ADORA2B: variants seen among roughly 807,000 people sequenced by gnomAD.
ADORA2B encodes the protein adenosine A2b receptor, also known as adenosine receptor A2b.
In ADORA2B, 18 loss-of-function variants were observed where a neutral mutation model predicts 20.8. That is an observed-to-expected ratio of 0.87 (90% CI 0.60 to 1.29). The LOEUF (loss-of-function observed/expected upper bound fraction) is 1.29, where lower values mean the gene tolerates loss of function less well. Among genes scored for constraint, ADORA2B ranks in the 50% most tolerant of loss-of-function variants. The probability of loss-of-function intolerance (pLI) is 0.00; values close to 1 mark genes in which losing one functional copy is unlikely to be tolerated. For synonymous variants in ADORA2B, 179 were observed against 178.3 expected (o/e 1.00, Z -0.03); for missense variants, 441 against 422.7 (o/e 1.04, Z -0.38).
chr17:15,944,361 C>G (rs181662869), upstream of ADORA2B, among the ~76,000 whole-genome samples: 1 of 151,906 alleles, frequency 6.6e-6, no homozygotes, highest in African/African-American at 2.4e-5. The surrounding 1 kb of genome is among the most constrained non-coding windows in gnomAD (Gnocchi z 4.8). Flanking sequence ...GTGAGGGCCA[C>G]GTGGGAGGCC....
chr17:15,974,568 G>A, intron 1 of ADORA2B, 111 bp from the exon 2 acceptor site: 4 of 947,916 alleles, frequency 4.2e-6, no homozygotes, highest in Non-Finnish European at 6.4e-6. Context: ...GCCCTGGAAG[G>A]TGAACTTTAG....
chr17:15,906,729 G>A, the ADORA2B span, among the ~76,000 whole-genome samples: 1 of 152,112 alleles, frequency 6.6e-6, no homozygotes, highest in African/African-American at 2.4e-5. Context: ...TATAGGTCTG[G>A]TGGTTTTTTG....
chr17:15,918,792 A>T, the ADORA2B span, among the ~76,000 whole-genome samples: 1 of 152,166 alleles, frequency 6.6e-6, no homozygotes, highest in African/African-American at 2.4e-5. Flanking sequence ...TTCTTAGCGT[A>T]AGTACACCTC....
At chr17:15,878,184 T>TACACACACACACACAC in the ADORA2B span, among the ~76,000 whole-genome samples, 2 of 143,912 alleles carry the variant, frequency 1.4e-5, no homozygotes, top group East Asian at 4.2e-4. Flanking sequence ...TGTGTGTGTA[T>TACACACACACACACAC]ACACACACAC....
the ADORA2B span, among the ~76,000 whole-genome samples, chr17:15,933,080 C>T: frequency 2.6e-5 from 4 of 151,816 alleles, no homozygotes; most frequent in East Asian, 1.9e-4. Context: ...CTCAGCATCC[C>T]GAGTAGCTGG....
the ADORA2B span, among the ~76,000 whole-genome samples, chr17:15,871,809 C>T: frequency 2.0e-5 from 3 of 152,158 alleles, no homozygotes; most frequent in Non-Finnish European, 2.9e-5. Flanking sequence ...TAACGCCCTG[C>T]GCCTTTTCCC....
chr17:15,904,973 A>G, the ADORA2B span, among the ~76,000 whole-genome samples: 1 of 152,184 alleles, frequency 6.6e-6, no homozygotes, highest in African/African-American at 2.4e-5. Flanking sequence ...AAAAATCTTG[A>G]AATCTAGTCT....
the ADORA2B span, among the ~76,000 whole-genome samples, chr17:15,874,695 G>C: frequency 1.3e-5 from 2 of 151,782 alleles, no homozygotes; most frequent in African/African-American, 4.8e-5. Context: ...CCATCTCTGG[G>C]GATAAAAAAT....
At chr17:15,921,939 T>G in the ADORA2B span, among the ~76,000 whole-genome samples, 1 of 152,190 alleles carries the variant, frequency 6.6e-6, no homozygotes, top group Non-Finnish European at 1.5e-5. Context: ...TTATATTTCA[T>G]TAGTCCCATG....
At chr17:15,969,011 G>A (rs1172996941) in intron 1 of ADORA2B, among the ~76,000 whole-genome samples, 1 of 152,124 alleles carries the variant, frequency 6.6e-6, no homozygotes, top group African/African-American at 2.4e-5. Flanking sequence ...AGGAGATGCT[G>A]GCCCATCTTC....
chr17:15,932,505 AAAAG>A, the ADORA2B span, among the ~76,000 whole-genome samples: 5 of 151,966 alleles, frequency 3.3e-5, no homozygotes, highest in East Asian at 1.9e-4. Context: ...AAAAAAAAAA[AAAAG>A]AAAGAAATTG....
chr17:15,904,492 A>G, the ADORA2B span, among the ~76,000 whole-genome samples: 1 of 144,484 alleles, frequency 6.9e-6, no homozygotes, highest in East Asian at 2.0e-4. Context: ...GGTTCATGCC[A>G]TTCTCCTGCC....
At chr17:15,962,211 G>A (rs1970049248) in intron 1 of ADORA2B, among the ~76,000 whole-genome samples, 2 of 152,110 alleles carry the variant, frequency 1.3e-5, no homozygotes, top group Non-Finnish European at 2.9e-5. Context: ...GCTGAGGCAG[G>A]AGAATTGCTT....
intron 1 of ADORA2B, among the ~76,000 whole-genome samples, chr17:15,954,825 G>C (rs1171561736): frequency 6.6e-6 from 1 of 152,220 alleles, no homozygotes; most frequent in Non-Finnish European, 1.5e-5. Context: ...TGGTTCGGAA[G>C]TGTTTTCCCT....
the ADORA2B span, among the ~76,000 whole-genome samples, chr17:15,918,932 C>G: frequency 6.6e-6 from 1 of 152,146 alleles, no homozygotes; most frequent in African/African-American, 2.4e-5. Flanking sequence ...GAGGCCCAGG[C>G]AGGAGGAGCA....
intron 1 of ADORA2B, among the ~76,000 whole-genome samples, chr17:15,958,626 C>T (rs1021406704): frequency 1.3e-5 from 2 of 152,184 alleles, no homozygotes; most frequent in Admixed American, 1.3e-4. Flanking sequence ...TTTCTCTACC[C>T]TGACTTCTCA....
the ADORA2B span, among the ~76,000 whole-genome samples, chr17:15,872,956 A>G: frequency 6.6e-6 from 1 of 152,150 alleles, no homozygotes; most frequent in Non-Finnish European, 1.5e-5. Flanking sequence ...GGATTGGTGA[A>G]AGTGGGCATC....
chr17:15,893,207 T>A, the ADORA2B span, among the ~76,000 whole-genome samples: 1 of 152,242 alleles, frequency 6.6e-6, no homozygotes. Flanking sequence ...GTTTTGGAGA[T>A]GCTTGGAATG....
the ADORA2B span, among the ~76,000 whole-genome samples, chr17:15,867,630 A>G: frequency 6.7e-6 from 1 of 148,236 alleles, no homozygotes; most frequent in Non-Finnish European, 1.5e-5. Flanking sequence ...CGGGGGGGTC[A>G]GCCCGCCGCC....
Sources: gnomAD v4.1 joint callset for allele counts (sites outside exome capture counted in the v4.1 genomes callset) on GRCh38, gnomAD v4.1.1 for gene constraint, Gnocchi (gnomAD v3.1) non-coding constraint, MANE v1.5 for transcripts, NCBI Gene and HGNC (gene_info 2026-07-23, HGNC 2026-07-21) for gene names.